The following MTDH variants were observed in gnomAD, a reference collection of about 807,000 sequenced individuals.
MTDH encodes the protein protein LYRIC.
MTDH carries 34 observed loss-of-function variants against 72.7 expected under a neutral mutation model. The ratio of observed to expected loss-of-function variants is 0.47; its 90% CI spans 0.36 to 0.62. The LOEUF (loss-of-function observed/expected upper bound fraction) is 0.62. Among genes scored for constraint, MTDH ranks in the 20% least tolerant of loss-of-function variants. MTDH has a pLI of 0.00. For missense variants in MTDH, 677 were observed against 699.4 expected (o/e 0.97, Z 0.36); for synonymous variants, 266 against 268.9 (o/e 0.99, Z 0.10).
chr8:97,710,579 T>TC (rs1814584950), intron 8 of MTDH, among the ~76,000 whole-genome samples: 1 of 142,034 alleles, frequency 7.0e-6, no homozygotes, highest in Non-Finnish European at 1.5e-5. Flanking sequence ...GCGCCTGTAA[T>TC]CCCAGCTACT....
At chr8:97,688,011 T>C (rs1813434746) in intron 4 of MTDH, among the ~76,000 whole-genome samples, 1 of 152,194 alleles carries the variant, frequency 6.6e-6, no homozygotes, top group Non-Finnish European at 1.5e-5. Flanking sequence ...CATGTTCTGG[T>C]GAGTGCAGGT....
At chr8:97,648,109 T>C (rs1012562796) in intron 1 of MTDH, among the ~76,000 whole-genome samples, 23 of 152,338 alleles carry the variant, frequency 1.5e-4, no homozygotes, top group African/African-American at 5.3e-4. Flanking sequence ...TCAACCTGTT[T>C]ATAAGCAATT....
chr8:97,708,920 G>C (rs1814501335), intron 8 of MTDH, among the ~76,000 whole-genome samples: 1 of 151,782 alleles, frequency 6.6e-6, no homozygotes. Context: ...TTTAAAACAG[G>C]ATATAGGCCG....
chr8:97,653,011 C>G (rs1811834107), intron 1 of MTDH, among the ~76,000 whole-genome samples: 1 of 151,790 alleles, frequency 6.6e-6, no homozygotes, highest in Non-Finnish European at 1.5e-5. Flanking sequence ...CCCAGCTACT[C>G]AGGAGGCTGA....
At chr8:97,699,388 G>A (rs1017520975) in intron 6 of MTDH, among the ~76,000 whole-genome samples, 1 of 151,644 alleles carries the variant, frequency 6.6e-6, no homozygotes, top group Admixed American at 6.6e-5. Context: ...AGTGAGCCAC[G>A]ATCATGCCAC....
At position 97,661,054 on chromosome 8, in the gene MTDH, T is replaced by G. The variant is rs1261074445; in HGVS notation, c.382-18T>G. Reference sequence around the variant, plus strand: ...GCTAAGCAGTTTGATAATATGATACTTTTTGTTGCCTGTGCAGCCAAATGG... The same window carrying G: ...GCTAAGCAGTTTGATAATATGATACGTTTTGTTGCCTGTGCAGCCAAATGG... On this transcript the variant is annotated intron_variant, in intron 1 of 11. Transcript: ENST00000336273. The G allele has an allele frequency of 2.5e-6, 4 of 1,605,732 alleles. No individual in the cohort carries two copies. Among genetic ancestry groups the G allele is most frequent in the Admixed American group, 1.7e-5 (1 of 59,612 alleles).
rs1444521350 is a variant in MTDH at position 97,723,036 on chromosome 8, G to A, written c.1678+1G>A. ...CAAAATAGTGTGCCTCCTTCACAGA[G>A]TAAGTAATCCTCATTTTTTGTTCCT... is the stretch of plus-strand genomic sequence containing the variant. On this transcript the variant is annotated splice_donor_variant, in intron 11 of 11. Coordinates refer to ENST00000336273, the MANE Select transcript of MTDH (RefSeq NM_178812.4). LOFTEE classifies it high-confidence loss of function. 6.2e-7 allele frequency: 1 copy of A among 1,612,396 alleles called. No individual in the cohort carries two copies. Among genetic ancestry groups the A allele is most frequent in the Non-Finnish European group, 8.5e-7 (1 of 1,179,402 alleles).
intron 1 of MTDH, among the ~76,000 whole-genome samples, chr8:97,647,495 G>T (rs1241601411): frequency 6.6e-6 from 1 of 152,082 alleles, no homozygotes; most frequent in Non-Finnish European, 1.5e-5. Flanking sequence ...CCAGGAGGTG[G>T]AGGCTGCAGT....
At chr8:97,709,096 G>T (rs1464105648) in intron 8 of MTDH, among the ~76,000 whole-genome samples, 1 of 151,522 alleles carries the variant, frequency 6.6e-6, no homozygotes, top group African/African-American at 2.4e-5. Flanking sequence ...GAGGCTGACT[G>T]AGGCAAAGAA....
intron 1 of MTDH, among the ~76,000 whole-genome samples, chr8:97,655,462 A>T (rs972690341): frequency 1.8e-4 from 28 of 152,322 alleles, no homozygotes; most frequent in African/African-American, 6.5e-4. Flanking sequence ...CTCTGAGAGG[A>T]TATATTTGCT....
chr8:97,705,373 AG>A (rs1814309038), intron 7 of MTDH, among the ~76,000 whole-genome samples: 1 of 151,852 alleles, frequency 6.6e-6, no homozygotes, highest in Non-Finnish European at 1.5e-5. Context: ...AGGCTGAGTC[AG>A]GCAGATCACG....
chr8:97,700,816 G>A lies in MTDH; in HGVS notation c.1147+964G>A, dbSNP rs191550848. On this transcript the variant is annotated intron_variant, in intron 7 of 11. Coordinates refer to ENST00000336273, the MANE Select transcript of MTDH (RefSeq NM_178812.4). ...GTGGTATTCATACCTTGCTAGTCTG[G>A]CTCTAGAGTTCATGCTCTTAACCAC... is the stretch of plus-strand genomic sequence containing the variant. Among the ~76,000 whole-genome samples, 13 of 152,256 alleles carry A rather than the reference G, an allele frequency of 8.5e-5. No individual in the cohort carries two copies. In the East Asian group the frequency reaches 1.4e-3, roughly 16 times the overall value.
At position 97,686,650 on chromosome 8, in the gene MTDH, A is replaced by G. The variant is rs1813375873; in HGVS notation, c.484-18A>G. ...AAAACATAACAAAATATTAAGTAAC[A>G]TTCTATTTTACTTTCAGTCAAAGAA... On this transcript the variant is annotated intron_variant, in intron 2 of 11. Coordinates refer to ENST00000336273, the MANE Select transcript of MTDH (RefSeq NM_178812.4). 1.4e-6 allele frequency: 2 copies of G among 1,481,334 alleles called. No homozygotes were observed. Among genetic ancestry groups the G allele is most frequent in the East Asian group, 4.8e-5 (2 of 41,596 alleles). 91.8% of individuals were successfully genotyped at this position (1,481,334 alleles called of 1,614,324 possible).
chr8:97,689,705 C>CT (rs34132114), intron 5 of MTDH, among the ~76,000 whole-genome samples: 1,401 of 123,426 alleles, frequency 0.011, 13 homozygotes, highest in African/African-American at 0.03. Context: ...TCTTTCAGGC[C>CT]TTTTTTTTTT....
At chr8:97,660,473 AAAAAAT>A (rs1421802090) in intron 1 of MTDH, among the ~76,000 whole-genome samples, 1 of 152,216 alleles carries the variant, frequency 6.6e-6, no homozygotes, top group Non-Finnish European at 1.5e-5. Flanking sequence ...CATATGGGCC[AAAAAAT>A]AAAAATAAAG....
rs751054420 is a variant in MTDH, at chr8:97,644,779, G to A, written c.273G>A (p.Glu91=). 2 of 1,548,820 alleles carry A rather than the reference G, an allele frequency of 1.3e-6. No individual in the cohort carries two copies. The highest frequency in any genetic ancestry group is 1.5e-5 in the African/African-American group (1 of 68,730). ...GGAGCCCGCCCCGCAAGCGGGAGGA[G>A]GCGGCGGCCGTGCCGGCCGCGGCCC... The part of the protein sequence containing the change: ...KRRSPPRKRE[E]AAAVPAAAPD... The change falls in exon 1 of 12, where the codon GAG becomes GAA. Residue 91 remains glutamate, a synonymous_variant. Transcript: ENST00000336273.
At chr8:97,664,715 C>T (rs985678292) in intron 2 of MTDH, among the ~76,000 whole-genome samples, 1 of 151,310 alleles carries the variant, frequency 6.6e-6, no homozygotes, top group Non-Finnish European at 1.5e-5. Flanking sequence ...TTCTTTCTTT[C>T]TTTTCTTTCC....
At chr8:97,678,882 GA>G (rs1812959738) in intron 2 of MTDH, among the ~76,000 whole-genome samples, 1 of 152,038 alleles carries the variant, frequency 6.6e-6, no homozygotes, top group Admixed American at 6.6e-5. Context: ...TACTTAACAA[GA>G]TGTCAGAAAA....
rs937473174 is a variant in MTDH at position 97,649,937 on chromosome 8, A to G, written c.381+5050A>G. ...TATCTATTAAAAGACCCTTCTTTCT[A>G]TCTCTCTACCAATTTCTTTTCTTTT... On this transcript the variant is annotated intron_variant, in intron 1 of 11. Coordinates refer to ENST00000336273, the MANE Select transcript of MTDH (RefSeq NM_178812.4). Among the ~76,000 whole-genome samples the G allele has an allele frequency of 5.5e-5, 8 of 146,680 alleles. No individual in the cohort carries two copies. The Admixed American group carries it at 5.5e-4, about 10-fold the overall frequency.
Sources: allele counts gnomAD v4.1 joint callset (sites outside exome capture counted in the v4.1 genomes callset), GRCh38; gene constraint gnomAD v4.1.1; transcripts MANE v1.5; gene names NCBI Gene and HGNC (gene_info 2026-07-23, HGNC 2026-07-21).